The following DISC1 variants were observed in gnomAD, a reference collection of about 807,000 sequenced individuals.
The protein encoded by DISC1 is disrupted in schizophrenia 1 protein.
DISC1 carries 57 observed loss-of-function variants against 84.5 expected under a neutral mutation model. That is an observed-to-expected ratio of 0.67 (90% confidence interval 0.55 to 0.84). The LOEUF is 0.84. DISC1 is among the 40% of genes least tolerant of loss of function. The probability of loss-of-function intolerance (pLI) is 0.00; values close to 1 mark genes in which losing one functional copy is unlikely to be tolerated. For synonymous variants in DISC1, 411 were observed against 415.2 expected, an observed-to-expected ratio of 0.99 and a Z score of 0.12; for missense variants, 1,000 against 1,057.8, an observed-to-expected ratio of 0.95 and a Z score of 0.76.
chr1:231,967,629 G>A (rs1261214313), intron 10 of DISC1, among the ~76,000 whole-genome samples: 1 of 152,090 alleles, frequency 6.6e-6, no homozygotes, highest in African/African-American at 2.4e-5. Context: ...TTTGAACTTT[G>A]AAGCTATTTG....
At chr1:231,974,444 G>A (rs1270907155) in intron 10 of DISC1, among the ~76,000 whole-genome samples, 1 of 152,128 alleles carries the variant, frequency 6.6e-6, no homozygotes, top group African/African-American at 2.4e-5. Context: ...CAAAAAATGT[G>A]AAAATAAGCC....
chr1:232,008,601 C>G (rs1301003960), intron 10 of DISC1, among the ~76,000 whole-genome samples, 184 bp from the exon 11 acceptor site: 1 of 152,212 alleles, frequency 6.6e-6, no homozygotes, highest in African/African-American at 2.4e-5. Context: ...TTCATGGTGA[C>G]TTGATGGTGT....
intron 3 of DISC1, among the ~76,000 whole-genome samples, chr1:231,718,153 A>G (rs1435029071): frequency 6.6e-6 from 1 of 151,492 alleles, no homozygotes; most frequent in Admixed American, 6.6e-5. Flanking sequence ...GGACACACGC[A>G]CTCGCCTCTT....
rs183879011 is a variant in DISC1 at position 231,740,062 on chromosome 1, T to C, written c.1118-9864T>C. On this transcript the variant is annotated intron_variant, in intron 3 of 12. Coordinates refer to ENST00000439617, the MANE Select transcript of DISC1 (RefSeq NM_018662.3). ...CCAGAGAGGTAGCTTGTTCCCTTTC[T>C]GCCATGAGAAAAAGCAGCTGCCTGA... is the stretch of plus-strand genomic sequence containing the variant. Among the ~76,000 whole-genome samples, 171 of 152,310 alleles carry C rather than the reference T, an allele frequency of 1.1e-3. No homozygotes were observed. The South Asian group carries it at 0.016, about 14-fold the overall frequency.
rs141857235 is a variant in DISC1, at chr1:231,667,917, G to A, written c.68-25909G>A. ...AAAAGCTGTACATACTTAGCTGGGC[G>A]TGGTGGGGGGTGCCTGTAATGCAAG... is the stretch of plus-strand genomic sequence containing the variant. On this transcript the variant is annotated intron_variant, in intron 1 of 12. Transcript: ENST00000439617. Among the ~76,000 whole-genome samples the A allele has an allele frequency of 2.6e-3, 390 of 152,178 alleles. 1 individual carries two copies. The highest frequency in any genetic ancestry group is 9.1e-3 in the African/African-American group (376 of 41,512).
At chr1:231,869,254 G>C (rs1355871734) in intron 9 of DISC1, among the ~76,000 whole-genome samples, 1 of 152,140 alleles carries the variant, frequency 6.6e-6, no homozygotes, top group African/African-American at 2.4e-5. Context: ...AACCACCGGG[G>C]AGTCTGTCTT....
chr1:231,760,828 G>A (rs2125391723), intron 4 of DISC1, among the ~76,000 whole-genome samples: 1 of 152,332 alleles, frequency 6.6e-6, no homozygotes, highest in Middle Eastern at 3.4e-3. Context: ...GCACTAGAGG[G>A]CCCAGGGGGC....
intron 12 of DISC1, among the ~76,000 whole-genome samples, chr1:232,028,824 G>T (rs1209094420): frequency 6.6e-6 from 1 of 152,156 alleles, no homozygotes; most frequent in African/African-American, 2.4e-5. Context: ...ATAAATGCTT[G>T]AAGGAATCAA....
chr1:231,944,077 A>G (rs1488126490), intron 9 of DISC1: 1 of 152,214 alleles, frequency 6.6e-6, no homozygotes, highest in Non-Finnish European at 1.5e-5. Flanking sequence ...TGAGTTTAGA[A>G]TGCTTGAATT....
chr1:232,015,561 C>T (rs756723397), intron 11 of DISC1, among the ~76,000 whole-genome samples: 1 of 152,130 alleles, frequency 6.6e-6, no homozygotes, highest in Non-Finnish European at 1.5e-5. Flanking sequence ...ATCACAGCTA[C>T]AGTGCATTTG....
chr1:231,772,016 G>A (rs1162338276), intron 6 of DISC1, among the ~76,000 whole-genome samples: 1 of 148,948 alleles, frequency 6.7e-6, no homozygotes, highest in Non-Finnish European at 1.5e-5. Context: ...GTCTCTCTAT[G>A]TTGCCCATGC....
rs139726824 is a variant in DISC1 at position 231,997,362 on chromosome 1, C to A, written c.2043-11423C>A. 5.3e-5 allele frequency among the ~76,000 whole-genome samples: 8 copies of A among 152,104 alleles called. No homozygotes were observed. In the East Asian group the frequency reaches 1.5e-3, roughly 29 times the overall value. ...CCTTTGAATCCAGCCTCGCTCACAC[C>A]GTAGAAGCCAGAGCAATGTTGATGG... On this transcript the variant is annotated intron_variant, in intron 10 of 12. Transcript: ENST00000439617.
chr1:231,708,306 C>G (rs1263791946), intron 3 of DISC1, among the ~76,000 whole-genome samples: 3 of 152,172 alleles, frequency 2.0e-5, no homozygotes, highest in African/African-American at 7.2e-5. Context: ...GCAAACTGGT[C>G]TCTCTCTGAG....
chr1:231,697,998 G>C (rs1425954230), intron 2 of DISC1, among the ~76,000 whole-genome samples: 1 of 152,146 alleles, frequency 6.6e-6, no homozygotes, highest in Non-Finnish European at 1.5e-5. Context: ...AGCATGAGAA[G>C]GCTGTGATGG....
intron 6 of DISC1, among the ~76,000 whole-genome samples, chr1:231,783,378 T>C (rs2077578669): frequency 6.6e-6 from 1 of 152,148 alleles, no homozygotes; most frequent in South Asian, 2.1e-4. Flanking sequence ...GAAAGGAGAA[T>C]GATTATGATC....
At chr1:231,949,102 T>G (rs1434298802) in intron 9 of DISC1, among the ~76,000 whole-genome samples, 2 of 152,086 alleles carry the variant, frequency 1.3e-5, no homozygotes, top group Non-Finnish European at 2.9e-5. Context: ...TCTTCTGACC[T>G]CGTGTTCCAC....
At chr1:231,636,172 T>C (rs930368444) in intron 1 of DISC1, among the ~76,000 whole-genome samples, 7 of 152,238 alleles carry the variant, frequency 4.6e-5, no homozygotes, top group Non-Finnish European at 1.0e-4. Flanking sequence ...ATGCTGCTCT[T>C]CATTCAGAAA....
intron 8 of DISC1, among the ~76,000 whole-genome samples, chr1:231,805,524 G>A (rs1453822338): frequency 1.3e-5 from 2 of 152,122 alleles, no homozygotes; most frequent in Non-Finnish European, 2.9e-5. Flanking sequence ...TTAAGTAGCC[G>A]GACCTTGTGA....
intron 9 of DISC1, among the ~76,000 whole-genome samples, chr1:231,867,717 C>T (rs576498998): frequency 6.6e-5 from 10 of 152,300 alleles, no homozygotes; most frequent in Non-Finnish European, 1.5e-4. Flanking sequence ...TAGATCTTCC[C>T]ATACAGTTAG....
Sources: allele counts gnomAD v4.1 joint callset (sites outside exome capture counted in the v4.1 genomes callset), GRCh38; gene constraint gnomAD v4.1.1; transcripts MANE v1.5; gene names NCBI Gene and HGNC (gene_info 2026-07-23, HGNC 2026-07-21).